GFRA1: variants seen among roughly 807,000 people sequenced by gnomAD.
GFRA1 encodes GDNF family receptor alpha 1.
Under a neutral mutation model 51.6 loss-of-function variants are expected in GFRA1, and 16 were observed. The ratio of observed to expected loss-of-function variants is 0.31; its 90% CI spans 0.21 to 0.47. The LOEUF is 0.47. GFRA1 is among the 20% of genes least tolerant of loss of function. The pLI is 1.00. For missense variants in GFRA1, 530 were observed against 594.3 expected (o/e 0.89, Z 1.13); for synonymous variants, 270 against 241.3 (o/e 1.12, Z -1.10).
intron 5 of GFRA1, among the ~76,000 whole-genome samples, chr10:116,205,596 GATAT>G (rs140642664): frequency 0.011 from 1,494 of 140,462 alleles, 31 homozygotes; most frequent in African/African-American, 0.03. Context: ...AAAAAAAAAA[GATAT>G]ATATATATAT....
At chr10:116,245,979 C>T (rs10885888) in intron 4 of GFRA1, among the ~76,000 whole-genome samples, 41,334 of 152,006 alleles carry the variant, frequency 0.27, 5,718 homozygotes, top group East Asian at 0.35. Flanking sequence ...TGACACTCTT[C>T]TGTGTGATAC....
intron 5 of GFRA1, among the ~76,000 whole-genome samples, chr10:116,163,534 T>G (rs1012225458): frequency 6.6e-6 from 1 of 152,182 alleles, no homozygotes; most frequent in African/African-American, 2.4e-5. Flanking sequence ...TTCATGCAAA[T>G]TCATGAATAA....
chr10:116,205,641 A>T lies in GFRA1; in HGVS notation c.433+5990T>A, dbSNP rs539533929. 2.0e-3 allele frequency among the ~76,000 whole-genome samples: 299 copies of T among 150,124 alleles called. 1 individual carries two copies. Among genetic ancestry groups the T allele is most frequent in the African/African-American group, 6.9e-3 (284 of 41,042 alleles). On this transcript the variant is annotated intron_variant, in intron 5 of 10. Coordinates refer to ENST00000355422, the MANE Select transcript of GFRA1 (RefSeq NM_005264.8). ...TATATATATATTCTTTAAAAGGACA[A>T]ACTGCTCTTCTTTTATAGCCACGAC...
intron 8 of GFRA1, among the ~76,000 whole-genome samples, chr10:116,091,665 G>A (rs1296985085): frequency 6.6e-6 from 1 of 152,188 alleles, no homozygotes; most frequent in African/African-American, 2.4e-5. Flanking sequence ...GAGAATCTGG[G>A]AGAGGTTTGG....
intron 6 of GFRA1, among the ~76,000 whole-genome samples, chr10:116,111,231 A>G (rs1310332723): frequency 1.3e-5 from 2 of 152,228 alleles, no homozygotes; most frequent in Non-Finnish European, 2.9e-5. Flanking sequence ...AACCCAGCCA[A>G]ACGGATTCCA....
At chr10:116,194,785 T>C (rs1963594584) in intron 5 of GFRA1, among the ~76,000 whole-genome samples, 1 of 152,208 alleles carries the variant, frequency 6.6e-6, no homozygotes, top group Non-Finnish European at 1.5e-5. Flanking sequence ...CATTTCATCA[T>C]CAATATCTTC....
intron 5 of GFRA1, among the ~76,000 whole-genome samples, chr10:116,131,814 C>T (rs1349281458): frequency 1.3e-5 from 2 of 150,836 alleles, no homozygotes. Context: ...ATGTTCTCTA[C>T]CTTGATAATG....
chr10:116,158,648 A>G (rs1442384829), intron 5 of GFRA1, among the ~76,000 whole-genome samples: 2 of 152,218 alleles, frequency 1.3e-5, no homozygotes, highest in Non-Finnish European at 2.9e-5. Context: ...CAGCCTGGGG[A>G]CAGTGATGTC....
intron 5 of GFRA1, among the ~76,000 whole-genome samples, chr10:116,166,636 T>C (rs568032516): frequency 6.6e-6 from 1 of 152,150 alleles, no homozygotes; most frequent in South Asian, 2.1e-4. Context: ...GCCAAGTGTC[T>C]TCTACCACAC....
intron 5 of GFRA1, among the ~76,000 whole-genome samples, chr10:116,137,001 G>C (rs573505888): frequency 6.6e-6 from 1 of 152,218 alleles, no homozygotes; most frequent in African/African-American, 2.4e-5. Context: ...CCAGGAATAA[G>C]TGTTTCGCTT....
At chr10:116,238,089 G>A (rs1427656336) in intron 4 of GFRA1, among the ~76,000 whole-genome samples, 2 of 152,156 alleles carry the variant, frequency 1.3e-5, no homozygotes, top group Non-Finnish European at 2.9e-5. Context: ...TTTTTACTCT[G>A]TGTTTTACAT....
In GFRA1 at chr10:116,064,264, A is replaced by T; in HGVS notation, c.*134T>A. On this transcript the variant is annotated 3_prime_UTR_variant, in exon 11 of 11. Coordinates refer to ENST00000355422, the MANE Select transcript of GFRA1 (RefSeq NM_005264.8). ...AGAAGCTTTCTTAAAAGGAAAAAAA[A>T]AAAATGTTCCAGTTGAATGGAACTG... 1 of 791,966 alleles carries T rather than the reference A, an allele frequency of 1.3e-6. No individual in the cohort carries two copies. The highest frequency in any genetic ancestry group is 2.0e-6 in the Non-Finnish European group (1 of 488,520). The allele number at this position is 791,966 out of a possible 1,614,324, so 49.1% of individuals were successfully genotyped here.
intron 5 of GFRA1, among the ~76,000 whole-genome samples, chr10:116,203,953 C>T (rs1405754918): frequency 6.6e-6 from 1 of 152,254 alleles, no homozygotes; most frequent in African/African-American, 2.4e-5. Flanking sequence ...CACTGAGAAA[C>T]TAGCAAAGCT....
At chr10:116,082,940 C>T (rs143268289) in intron 9 of GFRA1, among the ~76,000 whole-genome samples, 1 of 152,296 alleles carries the variant, frequency 6.6e-6, no homozygotes, top group Non-Finnish European at 1.5e-5. Flanking sequence ...ATAGTGGAGG[C>T]CACTTCCCCC....
chr10:116,093,691 T>C lies in GFRA1; in HGVS notation c.1015+11A>G, dbSNP rs540420296. The C allele has an allele frequency of 1.9e-6, 3 of 1,613,182 alleles. No homozygotes were observed. In the East Asian group the frequency reaches 6.7e-5, roughly 36 times the overall value. On this transcript the variant is annotated intron_variant, in intron 8 of 10. Coordinates refer to ENST00000355422, the MANE Select transcript of GFRA1 (RefSeq NM_005264.8). ...GTTTGCTCCTTTGTTTCTTATTTTT[T>C]ACAAACTCACTAAGACATGTATTGT...
chr10:116,264,900 G>C (rs949764650), intron 4 of GFRA1, among the ~76,000 whole-genome samples: 1 of 152,164 alleles, frequency 6.6e-6, no homozygotes, highest in African/African-American at 2.4e-5. Flanking sequence ...GGACCACCAC[G>C]ATCCCTAATA....
chr10:116,066,893 G>T (rs1464770130), intron 9 of GFRA1, among the ~76,000 whole-genome samples: 3 of 152,228 alleles, frequency 2.0e-5, no homozygotes, highest in Non-Finnish European at 4.4e-5. Context: ...GCACTGGCAG[G>T]CTGCCTGTTG....
intron 5 of GFRA1, among the ~76,000 whole-genome samples, chr10:116,132,629 C>T (rs773251072): frequency 1.3e-5 from 2 of 151,888 alleles, no homozygotes; most frequent in Admixed American, 6.6e-5. Flanking sequence ...TCTCCGGGGC[C>T]CTGATACTGC....
chr10:116,096,925 G>C (rs1355030422), intron 6 of GFRA1, among the ~76,000 whole-genome samples, 161 bp from the exon 7 acceptor site: 1 of 151,790 alleles, frequency 6.6e-6, no homozygotes, highest in Non-Finnish European at 1.5e-5. Flanking sequence ...CGTAGAAAAC[G>C]TGAGCTAAGA....
Sources: gnomAD v4.1 joint callset for allele counts (sites outside exome capture counted in the v4.1 genomes callset) on GRCh38, gnomAD v4.1.1 for gene constraint, MANE v1.5 for transcripts, NCBI Gene and HGNC (gene_info 2026-07-23, HGNC 2026-07-21) for gene names.